The following HDAC9 variants were observed in gnomAD, a reference collection of about 807,000 sequenced individuals.
HDAC9 encodes histone deacetylase 9, also known as MEF-2 interacting transcription repressor (MITR) protein.
In HDAC9, 41 loss-of-function variants were observed where a neutral mutation model predicts 139.4. The ratio of observed to expected loss-of-function variants is 0.29; its 90% CI spans 0.23 to 0.38. HDAC9 has a LOEUF of 0.38. HDAC9 is among the 10% of genes least tolerant of loss of function. HDAC9 has a pLI of 1.00. For synonymous variants in HDAC9, 517 were observed against 476.2 expected, an observed-to-expected ratio of 1.09 and a Z score of -1.12; for missense variants, 1,147 against 1,297.0, an observed-to-expected ratio of 0.88 and a Z score of 1.78.
intron 1 of HDAC9, among the ~76,000 whole-genome samples, chr7:18,395,882 A>G (rs1786983587): frequency 6.6e-6 from 1 of 152,118 alleles, no homozygotes; most frequent in African/African-American, 2.4e-5. Context: ...TGTGAGAAAA[A>G]TTTAGGAGGT....
Position 18,975,874 on chromosome 7 carries a change from C to G in HDAC9, c.3091C>G (p.Gln1031Glu), listed in dbSNP as rs1784515902. ...CTGTGCTCTGGCTGGTGCTCAGTTG[C>G]AAGAGGAGACAGAGACCGTTTCTGC... is the stretch of plus-strand genomic sequence containing the variant. Reference protein sequence around the residue: ...RGCALAGAQLQEETETVSALA... With the variant: ...RGCALAGAQLEEETETVSALA... Residue 1031 changes from glutamine (Q) to glutamate (E), a missense_variant, in exon 25 of 26, where the codon CAA (glutamine) becomes GAA (glutamate). Around this residue, in one of 7 missense-constraint regions of HDAC9, gnomAD observed 407 missense variants for 521.5 expected, o/e 0.78. Coordinates refer to ENST00000686413, the MANE Select transcript of HDAC9 (RefSeq NM_178425.4). 6.2e-7 allele frequency: 1 copy of G among 1,613,810 alleles called. No homozygotes were observed. Among genetic ancestry groups the G allele is most frequent in the Non-Finnish European group, 8.5e-7 (1 of 1,179,808 alleles).
chr7:18,282,706 A>G (rs1584991961), intron 2 of HDAC9, among the ~76,000 whole-genome samples: 1 of 152,184 alleles, frequency 6.6e-6, no homozygotes, highest in African/African-American at 2.4e-5. Flanking sequence ...ATACCAATCC[A>G]CCGGGGGAAA....
At chr7:18,436,272 A>C (rs1791195426) in intron 1 of HDAC9, among the ~76,000 whole-genome samples, 1 of 152,222 alleles carries the variant, frequency 6.6e-6, no homozygotes, top group South Asian at 2.1e-4. Flanking sequence ...TAAAATTTCT[A>C]CTTCAAATAA....
chr7:18,617,768 C>G (rs10240266), intron 6 of HDAC9, among the ~76,000 whole-genome samples: 3,751 of 152,136 alleles, frequency 0.025, 157 homozygotes, highest in African/African-American at 0.086. Flanking sequence ...ATAATTGGCA[C>G]TGAATAAATT....
intron 24 of HDAC9, 71 bp from the exon 25 acceptor site, chr7:18,975,735 C>T (rs567788060): frequency 4.9e-4 from 699 of 1,413,076 alleles, no homozygotes; most frequent in Non-Finnish European, 6.7e-4. Context: ...CTGAGTTGGA[C>T]GTATGTGAGT....
chr7:18,733,117 GTATACATGTATA>G (rs1235136532), intron 13 of HDAC9, among the ~76,000 whole-genome samples: 1 of 142,994 alleles, frequency 7.0e-6, no homozygotes, highest in Non-Finnish European at 1.5e-5. Flanking sequence ...ATATATATGT[GTATACATGTATA>G]TATATACACA....
intron 2 of HDAC9, among the ~76,000 whole-genome samples, chr7:18,274,953 A>G (rs1796621646): frequency 6.6e-6 from 1 of 152,202 alleles, no homozygotes; most frequent in Non-Finnish European, 1.5e-5. Flanking sequence ...TATATTTCTT[A>G]GGGATGGGGG....
rs982452259 is a variant in HDAC9, at chr7:19,001,674, A to C, written c.*5612A>C. 1 of 152,014 alleles carries C rather than the reference A, an allele frequency of 6.6e-6. No homozygotes were observed. The highest frequency in any genetic ancestry group is 1.5e-5 in the Non-Finnish European group (1 of 67,938). 9.4% of individuals were successfully genotyped at this position (152,014 alleles called of 1,614,324 possible). On this transcript the variant is annotated 3_prime_UTR_variant, in exon 26 of 26. Transcript: ENST00000686413. ...TTCTTCCTACACTTTAATAGTCTCA[A>C]ATTCTTTCTGGGGAAGCAACGTCAG...
chr7:18,123,819 A>G (rs1784498576), intron 1 of HDAC9, among the ~76,000 whole-genome samples: 1 of 152,220 alleles, frequency 6.6e-6, no homozygotes, highest in African/African-American at 2.4e-5. Flanking sequence ...AATAAGTCTA[A>G]AACAGGCAGT....
chr7:18,820,569 C>T (rs192820382), intron 17 of HDAC9, among the ~76,000 whole-genome samples: 3 of 152,152 alleles, frequency 2.0e-5, no homozygotes, highest in East Asian at 3.9e-4. Flanking sequence ...GGTGCAAAAT[C>T]GGGGGCCCTT....
intron 8 of HDAC9, among the ~76,000 whole-genome samples, chr7:18,644,265 T>C (rs1786647156): frequency 6.6e-6 from 1 of 152,122 alleles, no homozygotes; most frequent in Non-Finnish European, 1.5e-5. Flanking sequence ...AAAATGACAT[T>C]AAATGAAGAA....
intron 1 of HDAC9, among the ~76,000 whole-genome samples, chr7:18,454,649 G>A (rs950555339): frequency 6.6e-6 from 1 of 151,974 alleles, no homozygotes; most frequent in African/African-American, 2.4e-5. Context: ...TGCTCACCAT[G>A]TGAAGAACCT....
intron 1 of HDAC9, among the ~76,000 whole-genome samples, chr7:18,412,633 C>T (rs114710665): frequency 2.6e-5 from 4 of 152,164 alleles, no homozygotes; most frequent in South Asian, 2.1e-4. Context: ...AAGGGACTCA[C>T]GCTCAGTTGT....
intron 11 of HDAC9, among the ~76,000 whole-genome samples, chr7:18,659,740 G>C (rs1792528307): frequency 6.6e-6 from 1 of 152,160 alleles, no homozygotes; most frequent in African/African-American, 2.4e-5. Context: ...AACTCACCTG[G>C]TGTCAGACGA....
intron 21 of HDAC9, among the ~76,000 whole-genome samples, chr7:18,852,855 T>C (rs888087172): frequency 6.6e-6 from 1 of 152,102 alleles, no homozygotes; most frequent in African/African-American, 2.4e-5. Context: ...GCTTTTTTTT[T>C]TTCCCTCTCT....
chr7:18,661,368 C>T (rs1793077544), intron 11 of HDAC9, among the ~76,000 whole-genome samples: 1 of 152,008 alleles, frequency 6.6e-6, no homozygotes, highest in African/African-American at 2.4e-5. Flanking sequence ...ATTAGATATT[C>T]TAGATCTAAG....
Position 18,273,861 on chromosome 7 carries a change from G to A in HDAC9, c.25+111512G>A, listed in dbSNP as rs2108519. Among the ~76,000 whole-genome samples, 941 of 152,272 alleles carry A rather than the reference G, an allele frequency of 6.2e-3. 8 individuals carry two copies. The highest frequency in any genetic ancestry group is 9.2e-3 in the Non-Finnish European group (625 of 68,018). The stretch of plus-strand genomic sequence containing the variant: ...CAGCCAAGACAAGGATTAGGGAAAT[G>A]CAAATCAAAACTACACTGTTATACA... On this transcript the variant is annotated intron_variant, in intron 2 of 12. Coordinates refer to the HDAC9 transcript ENST00000417496.
rs913483255 is a variant in HDAC9, at chr7:18,301,214, C to T, written c.-42+10699C>T. Reference sequence around the variant, plus strand: ...GTTAAATTGCTCAATTGAAACTTCTCGCTTCTCAATATAAGCATCAGAATA... The same window carrying T: ...GTTAAATTGCTCAATTGAAACTTCTTGCTTCTCAATATAAGCATCAGAATA... On this transcript the variant is annotated intron_variant, in intron 1 of 3. Transcript: ENST00000413509. Among the ~76,000 whole-genome samples, 9 of 152,004 alleles carry T rather than the reference C, an allele frequency of 5.9e-5. No homozygotes were observed. In the East Asian group the frequency reaches 7.7e-4, roughly 13 times the overall value.
intron 1 of HDAC9, among the ~76,000 whole-genome samples, chr7:18,430,930 A>G (rs758769350): frequency 3.9e-5 from 6 of 152,072 alleles, no homozygotes; most frequent in South Asian, 2.1e-4. Context: ...ACCTTACCCT[A>G]TGTAACACAC....
Sources: gnomAD v4.1 joint callset for allele counts (sites outside exome capture counted in the v4.1 genomes callset) on GRCh38, gnomAD v4.1.1 for gene constraint, gnomAD v4.1.1 regional missense constraint, MANE v1.5 for transcripts, NCBI Gene and HGNC (gene_info 2026-07-23, HGNC 2026-07-21) for gene names.